RAPGEF5: variants seen among roughly 807,000 people sequenced by gnomAD.
RAPGEF5 encodes M-Ras-regulated GEF.
A neutral mutation model predicts 125.2 loss-of-function variants in RAPGEF5; 65 were observed. That is an observed-to-expected ratio of 0.52 (90% CI 0.43 to 0.64). The LOEUF (loss-of-function observed/expected upper bound fraction) is 0.64. Among genes scored for constraint, RAPGEF5 ranks in the 30% least tolerant of loss-of-function variants. The pLI, the probability that RAPGEF5 is intolerant of heterozygous loss-of-function variation, is 0.00. For missense variants in RAPGEF5, 958 were observed against 1,048.1 expected (o/e 0.91, Z 1.19); for synonymous variants, 391 against 385.9 (o/e 1.01, Z -0.16).
chr7:22,176,578 G>A (rs1186817903), intron 11 of RAPGEF5, among the ~76,000 whole-genome samples: 1 of 152,176 alleles, frequency 6.6e-6, no homozygotes, highest in African/African-American at 2.4e-5. Flanking sequence ...AGGCTGGATG[G>A]AGTGCAGTGG....
chr7:22,210,596 C>G (rs1331894824), intron 9 of RAPGEF5, among the ~76,000 whole-genome samples: 1 of 152,168 alleles, frequency 6.6e-6, no homozygotes. Flanking sequence ...CACCATTATT[C>G]TCTACTATTA....
intron 23 of RAPGEF5, among the ~76,000 whole-genome samples, chr7:22,133,136 T>A (rs1782966743): frequency 6.6e-6 from 1 of 152,228 alleles, no homozygotes; most frequent in Non-Finnish European, 1.5e-5. Flanking sequence ...TCCTAGGTAG[T>A]CCCTCTCACT....
In RAPGEF5 at chr7:22,308,529, T is replaced by C. The variant is rs1371397746; in HGVS notation, c.512-22A>G. The C allele has an allele frequency of 6.2e-6, 9 of 1,456,132 alleles. No homozygotes were observed. In the South Asian group the frequency reaches 9.5e-5, roughly 15 times the overall value. 90.2% of individuals were successfully genotyped at this position (1,456,132 alleles called of 1,614,324 possible). A position where few individuals can be genotyped will look rare whatever the true frequency, so the allele number is the denominator to read the frequency against. ...TCCACTGTTTGAAACAAAAAATATA[T>C]AGATCAATTTTTTAAAAGATATTAC... On this transcript the variant is annotated intron_variant, in intron 4 of 25. Coordinates refer to ENST00000665637, the MANE Select transcript of RAPGEF5 (RefSeq NM_012294.5).
chr7:22,200,403 C>G (rs1208128649), intron 9 of RAPGEF5, among the ~76,000 whole-genome samples: 1 of 152,112 alleles, frequency 6.6e-6, no homozygotes, highest in Non-Finnish European at 1.5e-5. Flanking sequence ...TCAAGGTGAG[C>G]CACTTAGACT....
intron 7 of RAPGEF5, among the ~76,000 whole-genome samples, chr7:22,254,211 G>A (rs1178408855): frequency 6.6e-6 from 1 of 152,048 alleles, no homozygotes; most frequent in Non-Finnish European, 1.5e-5. Flanking sequence ...CTTGAAAAGG[G>A]GGCTTAAAAC....
intron 6 of RAPGEF5, among the ~76,000 whole-genome samples, chr7:22,277,949 A>C (rs1782595235): frequency 6.6e-6 from 1 of 152,180 alleles, no homozygotes; most frequent in South Asian, 2.1e-4. Flanking sequence ...GCAGGTACCA[A>C]GTGGGGTATT....
Position 22,357,005 on chromosome 7 carries a change from A to T in RAPGEF5, c.56T>A (p.Leu19Gln). 8.8e-6 allele frequency: 9 copies of T among 1,023,928 alleles called. No individual in the cohort carries two copies. Among genetic ancestry groups the T allele is most frequent in the Non-Finnish European group, 1.0e-5 (9 of 857,268 alleles). The allele number at this position is 1,023,928 out of a possible 1,614,324, so 63.4% of individuals were successfully genotyped here. A position where few individuals can be genotyped will look rare whatever the true frequency, so the allele number is the denominator to read the frequency against. ...CGCCACCACCGCCGCCGCGGCGGCC[A>T]GGGCCGGGCTCTCGCACGGCGGCTG... is the stretch of plus-strand genomic sequence containing the variant. ...KMQPPCESPA[L>Q]AAAAAVVAAD... Residue 19 changes from leucine to glutamine, a missense_variant, in exon 1 of 26, where the codon CTG becomes CAG. Leu to Gln is a moderately radical substitution (Grantham distance 113). Transcript: ENST00000665637.
At chr7:22,130,447 G>A (rs564728990) in intron 24 of RAPGEF5, among the ~76,000 whole-genome samples, 1 of 152,200 alleles carries the variant, frequency 6.6e-6, no homozygotes, top group Non-Finnish European at 1.5e-5. Context: ...CTTGTAAGGA[G>A]GGAGGGTACT....
intron 5 of RAPGEF5, among the ~76,000 whole-genome samples, chr7:22,305,877 CTA>C (rs1186640421): frequency 6.6e-6 from 1 of 152,108 alleles, no homozygotes; most frequent in Non-Finnish European, 1.5e-5. Flanking sequence ...TTGCAAATGA[CTA>C]TCTCTCATTC....
chr7:22,326,907 G>A (rs1783825516), intron 1 of RAPGEF5, among the ~76,000 whole-genome samples: 1 of 152,046 alleles, frequency 6.6e-6, no homozygotes. Flanking sequence ...AGGATGAGAG[G>A]AAACTTTTGC....
At chr7:22,265,272 G>T (rs1782255807) in intron 7 of RAPGEF5, among the ~76,000 whole-genome samples, 1 of 152,000 alleles carries the variant, frequency 6.6e-6, no homozygotes, top group Non-Finnish European at 1.5e-5. Context: ...TCCTACCCTT[G>T]CCAGCCTCTA....
chr7:22,139,347 C>T (rs896615679), intron 21 of RAPGEF5, among the ~76,000 whole-genome samples: 4 of 152,038 alleles, frequency 2.6e-5, no homozygotes, highest in African/African-American at 4.8e-5. Flanking sequence ...GAAAGGAGAG[C>T]GAAGGAAACA....
chr7:22,263,756 AAAAG>A, intron 7 of RAPGEF5, among the ~76,000 whole-genome samples: 1 of 151,862 alleles, frequency 6.6e-6, no homozygotes, highest in Non-Finnish European at 1.5e-5. Flanking sequence ...AAAAAAAAGA[AAAAG>A]AAAAAAGAAA....
rs980011714 is a variant in RAPGEF5, at chr7:22,144,934, T to A, written c.2186+110A>T. On this transcript the variant is annotated intron_variant, in intron 20 of 25. Coordinates refer to ENST00000665637, the MANE Select transcript of RAPGEF5 (RefSeq NM_012294.5). Reference sequence around the variant, plus strand: ...TCAGCCATTTAGTCATTTAACTCCATATTACACGTTTATATCCCAACCCTT... The same window carrying A: ...TCAGCCATTTAGTCATTTAACTCCAAATTACACGTTTATATCCCAACCCTT... 7 of 1,247,468 alleles carry A rather than the reference T, an allele frequency of 5.6e-6. No homozygotes were observed. The African/African-American group carries it at 7.6e-5, about 13-fold the overall frequency. 77.3% of individuals were successfully genotyped at this position (1,247,468 alleles called of 1,614,324 possible). A position where few individuals can be genotyped will look rare whatever the true frequency, so the allele number is the denominator to read the frequency against.
chr7:22,131,913 T>C (rs1782925933), intron 23 of RAPGEF5, among the ~76,000 whole-genome samples: 1 of 152,194 alleles, frequency 6.6e-6, no homozygotes, highest in African/African-American at 2.4e-5. Context: ...TGAGAGTGGA[T>C]GACTTAGCCA....
chr7:22,320,657 T>A (rs1235718617), intron 1 of RAPGEF5, among the ~76,000 whole-genome samples: 1 of 152,142 alleles, frequency 6.6e-6, no homozygotes, highest in Non-Finnish European at 1.5e-5. Flanking sequence ...CTTGGTTTTG[T>A]TTTTCCTCTC....
chr7:22,314,169 G>T (rs1446923515), intron 3 of RAPGEF5, among the ~76,000 whole-genome samples: 1 of 152,142 alleles, frequency 6.6e-6, no homozygotes, highest in Non-Finnish European at 1.5e-5. Context: ...TCAATTAATG[G>T]CTCAGAAGAA....
intron 1 of RAPGEF5, among the ~76,000 whole-genome samples, chr7:22,329,876 T>A (rs550784832): frequency 6.6e-6 from 1 of 152,090 alleles, no homozygotes; most frequent in South Asian, 2.1e-4. Context: ...ACTGTCTCTG[T>A]CTCCACTAAC....
At chr7:22,123,471 G>A (rs546865720) in intron 25 of RAPGEF5, among the ~76,000 whole-genome samples, 1 of 152,212 alleles carries the variant, frequency 6.6e-6, no homozygotes, top group African/African-American at 2.4e-5. Flanking sequence ...GACAGGCAGG[G>A]TGAGCTGCTG....
Sources: gnomAD v4.1 joint callset for allele counts (sites outside exome capture counted in the v4.1 genomes callset) on GRCh38, gnomAD v4.1.1 for gene constraint, MANE v1.5 for transcripts, NCBI Gene and HGNC (gene_info 2026-07-23, HGNC 2026-07-21) for gene names.